UNC13C: variants seen among roughly 807,000 people sequenced by gnomAD.
UNC13C encodes protein unc-13 homolog C.
UNC13C carries 174 observed loss-of-function variants against 245.4 expected under a neutral mutation model. The ratio of observed to expected loss-of-function variants is 0.71; its 90% CI spans 0.63 to 0.80. UNC13C has a LOEUF of 0.80. UNC13C is among the 30% of genes least tolerant of loss of function. The pLI, the probability that UNC13C is intolerant of heterozygous loss-of-function variation, is 0.00. For synonymous variants in UNC13C, 992 were observed against 895.1 expected, an observed-to-expected ratio of 1.11 and a Z score of -1.93; for missense variants, 2,829 against 2,602.9, an observed-to-expected ratio of 1.09 and a Z score of -1.89.
At chr15:53,927,857 C>T in the UNC13C span, among the ~76,000 whole-genome samples, 1 of 152,106 alleles carries the variant, frequency 6.6e-6, no homozygotes, top group Non-Finnish European at 1.5e-5. Context: ...CAGGGAGAGC[C>T]AGCTACCATC....
At chr15:54,481,684 C>T (rs1356570644) in intron 19 of UNC13C, among the ~76,000 whole-genome samples, 1 of 151,762 alleles carries the variant, frequency 6.6e-6, no homozygotes, top group African/African-American at 2.4e-5. Context: ...TCTTTGGGTC[C>T]CTGGATGCTG....
chr15:53,957,521 T>A, the UNC13C span, among the ~76,000 whole-genome samples: 8 of 152,198 alleles, frequency 5.3e-5, no homozygotes, highest in Non-Finnish European at 7.3e-5. Context: ...ATATAATTTT[T>A]AAAAAATCTC....
At chr15:54,433,553 T>C (rs1301335398) in intron 19 of UNC13C, among the ~76,000 whole-genome samples, 10 of 152,078 alleles carry the variant, frequency 6.6e-5, no homozygotes, top group Admixed American at 6.6e-4. Context: ...CTAAAAACTC[T>C]CAATAAACTA....
intron 7 of UNC13C, among the ~76,000 whole-genome samples, chr15:54,248,887 G>A (rs577964298): frequency 1.3e-5 from 2 of 152,306 alleles, no homozygotes; most frequent in South Asian, 4.1e-4. Flanking sequence ...TGAGAGGAAT[G>A]TAGTAATAAA....
chr15:54,562,123 G>T (rs978462020), intron 29 of UNC13C, among the ~76,000 whole-genome samples: 2 of 151,896 alleles, frequency 1.3e-5, no homozygotes, highest in African/African-American at 2.4e-5. Flanking sequence ...TGAGATAGGG[G>T]CTGATGCTTA....
chr15:54,339,061 T>C (rs1332412695), intron 17 of UNC13C, among the ~76,000 whole-genome samples: 1 of 151,978 alleles, frequency 6.6e-6, no homozygotes, highest in East Asian at 1.9e-4. Context: ...AGAGACGGGG[T>C]TTCTCCATGT....
At chr15:54,407,742 G>C (rs533857963) in intron 18 of UNC13C, among the ~76,000 whole-genome samples, 61 of 152,134 alleles carry the variant, frequency 4.0e-4, no homozygotes, top group Non-Finnish European at 5.4e-4. Flanking sequence ...GCAAGAAGTA[G>C]ATCTTGAGAT....
intron 22 of UNC13C, among the ~76,000 whole-genome samples, chr15:54,506,105 A>G (rs926840874): frequency 6.6e-6 from 1 of 152,180 alleles, no homozygotes; most frequent in Admixed American, 6.6e-5. Flanking sequence ...AATCATAAGA[A>G]TTAAAAAATC....
chr15:54,484,230 A>G (rs879638379), intron 19 of UNC13C, among the ~76,000 whole-genome samples: 24 of 152,348 alleles, frequency 1.6e-4, no homozygotes, highest in East Asian at 1.9e-4. Context: ...TAGGTGCTCA[A>G]ACACATCTGA....
chr15:54,610,034 G>A (rs58453564), intron 30 of UNC13C, among the ~76,000 whole-genome samples: 1 of 152,090 alleles, frequency 6.6e-6, no homozygotes, highest in East Asian at 1.9e-4. Flanking sequence ...CAATGACATG[G>A]GGAGATTATG....
In UNC13C at chr15:54,532,132, C is replaced by T. The variant is rs142198951; in HGVS notation, c.5547-785C>T. ...TATAATACATCATCCAGGTATTAAG[C>T]CTACTACCCATTAGTTGTTTTTCCT... On this transcript the variant is annotated intron_variant, in intron 25 of 32. Transcript: ENST00000260323. 6.5e-3 allele frequency among the ~76,000 whole-genome samples: 983 copies of T among 152,196 alleles called. 7 individuals carry two copies. The highest frequency in any genetic ancestry group is 8.7e-3 in the Non-Finnish European group (592 of 67,998).
the UNC13C span, among the ~76,000 whole-genome samples, chr15:53,854,188 T>A: frequency 2.0e-5 from 3 of 150,822 alleles, no homozygotes; most frequent in Non-Finnish European, 4.4e-5. Context: ...TGGCGCAATC[T>A]TGGCTCACTG....
chr15:53,855,044 T>G, the UNC13C span, among the ~76,000 whole-genome samples: 1 of 152,180 alleles, frequency 6.6e-6, no homozygotes, highest in African/African-American at 2.4e-5. Context: ...GGTGTTTTTT[T>G]CTCTTTGTAG....
intron 4 of UNC13C, among the ~76,000 whole-genome samples, chr15:54,223,363 T>C (rs1034656504): frequency 7.2e-5 from 11 of 152,228 alleles, no homozygotes; most frequent in African/African-American, 2.2e-4. Context: ...CATTTCCCAA[T>C]GTGTTTTTTG....
intron 4 of UNC13C, among the ~76,000 whole-genome samples, chr15:54,212,439 C>T (rs1002765076): frequency 4.6e-5 from 7 of 152,098 alleles, no homozygotes; most frequent in African/African-American, 1.7e-4. Flanking sequence ...CTGGAAACAG[C>T]TCCCACATCA....
chr15:54,327,114 G>A (rs1416786811), intron 14 of UNC13C, among the ~76,000 whole-genome samples: 1 of 151,954 alleles, frequency 6.6e-6, no homozygotes, highest in African/African-American at 2.4e-5. Context: ...AATTCCATGA[G>A]GTGGGAGGCA....
intron 19 of UNC13C, among the ~76,000 whole-genome samples, chr15:54,426,077 A>G (rs2040753441): frequency 6.6e-6 from 1 of 151,752 alleles, no homozygotes; most frequent in South Asian, 2.1e-4. Flanking sequence ...CCTGTTGAGT[A>G]CATTGAGCAG....
At chr15:54,010,927 G>A (rs553588498) in intron 1 of UNC13C, among the ~76,000 whole-genome samples, 6 of 152,216 alleles carry the variant, frequency 3.9e-5, no homozygotes, top group African/African-American at 1.4e-4. Context: ...GTTCTGGATG[G>A]GGTTTAATTT....
At chr15:54,360,287 A>G (rs2039201428) in intron 17 of UNC13C, among the ~76,000 whole-genome samples, 1 of 152,070 alleles carries the variant, frequency 6.6e-6, no homozygotes. Flanking sequence ...CAGCTGTTGG[A>G]TGACATTTTC....
Sources: gnomAD v4.1 joint callset for allele counts (sites outside exome capture counted in the v4.1 genomes callset) on GRCh38, gnomAD v4.1.1 for gene constraint, MANE v1.5 for transcripts, NCBI Gene and HGNC (gene_info 2026-07-23, HGNC 2026-07-21) for gene names.